The following ANKRD18A variants were observed in gnomAD, a reference collection of about 807,000 sequenced individuals.
ANKRD18A encodes ankyrin repeat domain-containing protein 18A.
In ANKRD18A, 72 loss-of-function variants were observed where a neutral mutation model predicts 110.6. That is an observed-to-expected ratio of 0.65 (90% confidence interval 0.54 to 0.79). The LOEUF is 0.79. Ranked by LOEUF, ANKRD18A falls within the 30% of genes least tolerant of loss-of-function variation. The probability of loss-of-function intolerance (pLI) is 0.00; values close to 1 mark genes in which losing one functional copy is unlikely to be tolerated. For synonymous variants in ANKRD18A, 305 were observed against 410.3 expected, an observed-to-expected ratio of 0.74 and a Z score of 3.10; for missense variants, 934 against 1,163.3, an observed-to-expected ratio of 0.80 and a Z score of 2.87.
At chr9:38,606,779 TAAC>T (rs1268783976) in intron 6 of ANKRD18A, among the ~76,000 whole-genome samples, 1 of 152,174 alleles carries the variant, frequency 6.6e-6, no homozygotes. Context: ...TCCATTTGCA[TAAC>T]AAGTCCAATG....
rs761532589 is a variant in ANKRD18A, at chr9:38,577,037, G to A, written c.2741+16C>T. On this transcript the variant is annotated intron_variant, in intron 14 of 15. Coordinates refer to ENST00000399703, the MANE Select transcript of ANKRD18A (RefSeq NM_147195.4). Reference sequence around the variant, plus strand: ...TGAGCTGAATTCATTTTCTATGAGTGTATGTTTTGACTTACTTCATTAATT... The same window carrying A: ...TGAGCTGAATTCATTTTCTATGAGTATATGTTTTGACTTACTTCATTAATT... 167 of 1,540,082 alleles carry A rather than the reference G, an allele frequency of 1.1e-4. No homozygotes were observed. Among genetic ancestry groups the A allele is most frequent in the Non-Finnish European group, 8.3e-5 (95 of 1,142,624 alleles).
intron 5 of ANKRD18A, among the ~76,000 whole-genome samples, chr9:38,609,634 C>T (rs544558045): frequency 2.0e-5 from 3 of 152,028 alleles, no homozygotes; most frequent in South Asian, 2.1e-4. Flanking sequence ...GGCAGCAATA[C>T]AGCAAGTGAA....
chr9:38,583,343 T>C lies in ANKRD18A; in HGVS notation c.2247+2840A>G, dbSNP rs534321922. Among the ~76,000 whole-genome samples the C allele has an allele frequency of 8.5e-5, 13 of 152,204 alleles. No individual in the cohort carries two copies. In the South Asian group the frequency reaches 1.7e-3, roughly 19 times the overall value. ...TATACTCCAGAAAAATAAAAACATATGCAAGCACAAAAACTCATACATAAA... is the reference window on the plus strand; with the variant it reads ...TATACTCCAGAAAAATAAAAACATACGCAAGCACAAAAACTCATACATAAA... On this transcript the variant is annotated intron_variant, in intron 12 of 15. Transcript: ENST00000399703.
chr9:38,599,746 G>A (rs1825043334), intron 8 of ANKRD18A, among the ~76,000 whole-genome samples: 1 of 152,186 alleles, frequency 6.6e-6, no homozygotes, highest in South Asian at 2.1e-4. Context: ...TTACAGGTGT[G>A]AGCCACCACG....
At chr9:38,580,801 C>T (rs1229832673) in intron 12 of ANKRD18A, among the ~76,000 whole-genome samples, 2 of 150,240 alleles carry the variant, frequency 1.3e-5, no homozygotes, top group East Asian at 1.9e-4. Flanking sequence ...ATGGCCTTCT[C>T]CTAATGAATA....
chr9:38,610,300 T>A lies in ANKRD18A; in HGVS notation c.713A>T (p.Asp238Val). The change falls in exon 5 of 16, where the codon GAT becomes GTT. Residue 238 changes from aspartate (D) to valine (V), a missense_variant. Around this residue, in one of 4 missense-constraint regions of ANKRD18A, gnomAD observed 630 missense variants for 797.5 expected, o/e 0.79. Transcript: ENST00000399703. Reference sequence around the variant, plus strand: ...TCTCAAATCAGAACAAAGAGCATAATCCTCGGCAGTTTGGCCAAACATGTC... The same window carrying A: ...TCTCAAATCAGAACAAAGAGCATAAACCTCGGCAGTTTGGCCAAACATGTC... ...SQDMFGQTAE[D>V]YALCSDLRSI... 1.9e-6 allele frequency: 3 copies of A among 1,549,764 alleles called. No homozygotes were observed. The highest frequency in any genetic ancestry group is 2.6e-6 in the Non-Finnish European group (3 of 1,146,366).
chr9:38,591,070 C>T (rs986973774), intron 10 of ANKRD18A, among the ~76,000 whole-genome samples: 3 of 152,084 alleles, frequency 2.0e-5, no homozygotes, highest in African/African-American at 7.2e-5. Context: ...AAGCGACCCT[C>T]CTACCACAGC....
rs1823643857 is a variant in ANKRD18A at position 38,571,576 on chromosome 9, A to T, written c.*469T>A. 1 of 1,006,332 alleles carries T rather than the reference A, an allele frequency of 9.9e-7. No individual in the cohort carries two copies. 62.3% of individuals were successfully genotyped at this position (1,006,332 alleles called of 1,614,324 possible). Reference sequence around the variant, plus strand: ...ATTGAGCTACAAGAAGAAAACCGTAACACTAGTATGGACAAACCTGGCAGA... The same window carrying T: ...ATTGAGCTACAAGAAGAAAACCGTATCACTAGTATGGACAAACCTGGCAGA... On this transcript the variant is annotated 3_prime_UTR_variant, in exon 16 of 16. Coordinates refer to ENST00000399703, the MANE Select transcript of ANKRD18A (RefSeq NM_147195.4).
intron 1 of ANKRD18A, 138 bp from the exon 2 acceptor site, chr9:38,616,182 A>G: frequency 1.6e-6 from 1 of 626,858 alleles, no homozygotes; most frequent in South Asian, 2.8e-5. Context: ...AAAGTACAAT[A>G]TTTATTAGCT....
At position 38,620,254 on chromosome 9, in the gene ANKRD18A, A is replaced by G. The variant is rs571350991; in HGVS notation, c.32T>C (p.Leu11Pro). The change falls in exon 1 of 16, where the codon CTG becomes CCG. Residue 11 changes from leucine (L) to proline (P), a missense_variant. Physicochemically the swap from Leu to Pro is moderately conservative, Grantham distance 98. Transcript: ENST00000399703. ...CATGGAGCTCAGGAGCGCCTGGCCC[A>G]GGCGTCTCCCGAAGCTGAAGAGCTT... is the stretch of plus-strand genomic sequence containing the variant. Reference protein sequence around the residue: MRKLFSFGRRLGQALLSSMDQ... With the variant: MRKLFSFGRRPGQALLSSMDQ... 19 of 1,551,188 alleles carry G rather than the reference A, an allele frequency of 1.2e-5. No homozygotes were observed. In the Admixed American group the frequency reaches 2.7e-4, roughly 22 times the overall value.
chr9:38,587,373 C>T (rs376489814), intron 11 of ANKRD18A, among the ~76,000 whole-genome samples: 2 of 152,058 alleles, frequency 1.3e-5, no homozygotes, highest in Admixed American at 1.3e-4. Context: ...TTCAAAGACA[C>T]ATTCCATTTT....
intron 6 of ANKRD18A, 59 bp from the exon 7 acceptor site, chr9:38,603,271 C>A (rs1490908401): frequency 5.9e-5 from 91 of 1,547,248 alleles, no homozygotes; most frequent in Non-Finnish European, 7.7e-5. Flanking sequence ...CCTCTGCCTC[C>A]TTACCTGGCA....
chr9:38,614,509 T>C (rs1212900086), intron 3 of ANKRD18A, among the ~76,000 whole-genome samples: 1 of 152,152 alleles, frequency 6.6e-6, no homozygotes, highest in Admixed American at 6.5e-5. Context: ...ATCAAAATCC[T>C]CAGGGGAAAG....
At chr9:38,592,565 A>T (rs1203874510) in intron 10 of ANKRD18A, among the ~76,000 whole-genome samples, 1 of 152,196 alleles carries the variant, frequency 6.6e-6, no homozygotes, top group Non-Finnish European at 1.5e-5. Context: ...CTGCCCAATT[A>T]ACTCTGAGGA....
Position 38,611,232 on chromosome 9 carries a change from G to A in ANKRD18A, c.585C>T (p.Ala195=), listed in dbSNP as rs1231921794. 9 of 1,523,706 alleles carry A rather than the reference G, an allele frequency of 5.9e-6. No homozygotes were observed. Among genetic ancestry groups the A allele is most frequent in the Non-Finnish European group, 7.0e-6 (8 of 1,139,240 alleles). The allele number at this position is 1,523,706 out of a possible 1,614,324, so 94.4% of individuals were successfully genotyped here. A position where few individuals can be genotyped will look rare whatever the true frequency, so the allele number is the denominator to read the frequency against. Residue 195 remains alanine, a synonymous_variant, in exon 4 of 16, where the codon GCC becomes GCT. Transcript: ENST00000399703. The part of the protein sequence containing the change: ...FLLKNQANIH[A]VDNFKRTALI... Reference sequence around the variant, plus strand: ...TATTGCACCTTTTGAAATTGTCAACGGCATGTATATTTGCCTGGTTCTTCA... The same window carrying A: ...TATTGCACCTTTTGAAATTGTCAACAGCATGTATATTTGCCTGGTTCTTCA...
chr9:38,566,929 G>A (rs979574274), downstream of ANKRD18A: 2 of 152,190 alleles, frequency 1.3e-5, no homozygotes, highest in Non-Finnish European at 2.9e-5. Flanking sequence ...AATCACCTTA[G>A]ACCAGGATCC....
At position 38,571,716 on chromosome 9, in the gene ANKRD18A, C is replaced by A; in HGVS notation, c.*329G>T. On this transcript the variant is annotated 3_prime_UTR_variant, in exon 16 of 16. Coordinates refer to ENST00000399703, the MANE Select transcript of ANKRD18A (RefSeq NM_147195.4). ...CTTGGTTGTTTGGCTGTTTAAACAG[C>A]TGACATTCAGGCAATTTGAGTAGGC... 1 of 1,048,462 alleles carries A rather than the reference C, an allele frequency of 9.5e-7. No homozygotes were observed. Among genetic ancestry groups the A allele is most frequent in the Non-Finnish European group, 1.1e-6 (1 of 871,416 alleles). 64.9% of individuals were successfully genotyped at this position (1,048,462 alleles called of 1,614,324 possible).
intron 12 of ANKRD18A, among the ~76,000 whole-genome samples, chr9:38,581,960 G>A (rs1824183106): frequency 6.6e-6 from 1 of 152,186 alleles, no homozygotes; most frequent in South Asian, 2.1e-4. Context: ...TACAGAAACC[G>A]TGGTTTCTGA....
At chr9:38,594,482 A>G (rs1824790680) in intron 9 of ANKRD18A, among the ~76,000 whole-genome samples, 1 of 152,212 alleles carries the variant, frequency 6.6e-6, no homozygotes, top group African/African-American at 2.4e-5. Flanking sequence ...TGAGCTAATT[A>G]CTCATAAAAA....
Sources: allele counts gnomAD v4.1 joint callset (sites outside exome capture counted in the v4.1 genomes callset), GRCh38; gene constraint gnomAD v4.1.1; regional missense constraint gnomAD v4.1.1; transcripts MANE v1.5; gene names NCBI Gene and HGNC (gene_info 2026-07-23, HGNC 2026-07-21).